The following BEAN1 variants were observed in gnomAD, a reference collection of about 807,000 sequenced individuals.
BEAN1 encodes the protein protein BEAN1.
BEAN1 carries 17 observed loss-of-function variants against 17.7 expected under a neutral mutation model. That is an observed-to-expected ratio of 0.96 (90% confidence interval 0.66 to 1.44). BEAN1 has a LOEUF of 1.44. Ranked by LOEUF, BEAN1 falls within the 40% of genes most tolerant of loss-of-function variation. The pLI is 0.00. For synonymous variants in BEAN1, 142 were observed against 151.8 expected (o/e 0.94, Z 0.47); for missense variants, 359 against 374.1 (o/e 0.96, Z 0.33).
downstream of BEAN1, among the ~76,000 whole-genome samples, chr16:66,487,632 C>T (rs545602491): frequency 6.3e-4 from 96 of 152,282 alleles, no homozygotes; most frequent in African/African-American, 2.2e-3. Context: ...CTCAGCCCGC[C>T]AGAGACCCTG....
chr16:66,492,442 G>GT (rs949800138), intron 4 of BEAN1, among the ~76,000 whole-genome samples: 12 of 151,330 alleles, frequency 7.9e-5, no homozygotes, highest in Non-Finnish European at 1.0e-4. Flanking sequence ...CTCTTTTTGC[G>GT]TTTTTTTGTT....
At chr16:66,448,790 T>C (rs1962555368) in intron 2 of BEAN1, among the ~76,000 whole-genome samples, 1 of 152,068 alleles carries the variant, frequency 6.6e-6, no homozygotes, top group African/African-American at 2.4e-5. Context: ...GCCACTGCAC[T>C]CGGGCAACAG....
At position 66,480,780 on chromosome 16, in the gene BEAN1, C is replaced by T. The variant is rs1463008112; in HGVS notation, c.635C>T (p.Thr212Ile). The T allele has an allele frequency of 1.9e-6, 3 of 1,550,726 alleles. No homozygotes were observed. In the East Asian group the frequency reaches 7.3e-5, roughly 38 times the overall value. Reference sequence around the variant, plus strand: ...GGCCTTCACACGGTCTCCATGGACACCCTTCCCCCCTACGAGGCTGTGTGC... The same window carrying T: ...GGCCTTCACACGGTCTCCATGGACATCCTTCCCCCCTACGAGGCTGTGTGC... ...QGGLHTVSMD[T>I]LPPYEAVCGA... Residue 212 changes from threonine (T) to isoleucine (I), a missense_variant, in exon 5 of 5, where the codon ACC (threonine) becomes ATC (isoleucine). Transcript: ENST00000536005.
intron 2 of BEAN1, among the ~76,000 whole-genome samples, chr16:66,464,590 G>A (rs9939011): frequency 0.045 from 6,776 of 152,160 alleles, 404 homozygotes; most frequent in African/African-American, 0.14. Flanking sequence ...TGATCCACCC[G>A]CCTCAGCCTC....
intron 1 of BEAN1, among the ~76,000 whole-genome samples, chr16:66,435,888 T>A (rs1961994980): frequency 2.0e-5 from 3 of 152,168 alleles, no homozygotes; most frequent in African/African-American, 7.2e-5. Flanking sequence ...CTCTGCCAAT[T>A]CTTGGCAGTG....
In BEAN1 at chr16:66,477,712, T is replaced by G; in HGVS notation, c.440+2T>G. On this transcript the variant is annotated splice_donor_variant, in intron 4 of 4. Coordinates refer to ENST00000536005, the MANE Select transcript of BEAN1 (RefSeq NM_001178020.3). LOFTEE classifies it high-confidence loss of function. ...GCTGTACCCAGATTCTCCACCAGGG[T>G]AAGGAGGCCTCATGGGGAAGGGGGC... 6.5e-7 allele frequency: 1 copy of G among 1,541,862 alleles called. No homozygotes were observed. Among genetic ancestry groups the G allele is most frequent in the Non-Finnish European group, 8.8e-7 (1 of 1,142,206 alleles).
chr16:66,451,161 A>C (rs1962659056), intron 2 of BEAN1: 1 of 153,492 alleles, frequency 6.5e-6, no homozygotes, highest in South Asian at 2.1e-4. Flanking sequence ...GCTAATCATG[A>C]AAAAATGGAT....
At chr16:66,442,006 G>T (rs1159791707) in intron 2 of BEAN1, among the ~76,000 whole-genome samples, 2 of 152,220 alleles carry the variant, frequency 1.3e-5, no homozygotes, top group African/African-American at 4.8e-5. Flanking sequence ...GAAGACCAAG[G>T]CAGAGGAAGG....
intron 2 of BEAN1, among the ~76,000 whole-genome samples, chr16:66,440,878 G>A (rs978413756): frequency 1.3e-5 from 2 of 152,086 alleles, no homozygotes; most frequent in African/African-American, 2.4e-5. Context: ...GGTTTGGGGC[G>A]CTCAAGTCAG....
chr16:66,461,601 CACACACACACACAA>C (rs1157499285), intron 2 of BEAN1, among the ~76,000 whole-genome samples: 1 of 135,832 alleles, frequency 7.4e-6, no homozygotes, highest in African/African-American at 2.9e-5. Context: ...CACACACACA[CACACACACACACAA>C]ACGCACGCAC....
intron 2 of BEAN1, among the ~76,000 whole-genome samples, chr16:66,440,255 A>G (rs12928953): frequency 0.41 from 60,776 of 150,060 alleles, 13,141 homozygotes; most frequent in Non-Finnish European, 0.49. Flanking sequence ...TCAGCCTCCC[A>G]AGTAGCTGGG....
At chr16:66,442,594 G>A (rs535095192) in intron 2 of BEAN1, among the ~76,000 whole-genome samples, 8 of 152,318 alleles carry the variant, frequency 5.3e-5, no homozygotes, top group African/African-American at 1.9e-4. Flanking sequence ...CTCCCTCAGA[G>A]ATGGTATGAT....
At chr16:66,494,704 G>A (rs886564221), downstream of BEAN1, among the ~76,000 whole-genome samples, 11 of 152,134 alleles carry the variant, frequency 7.2e-5, no homozygotes, top group African/African-American at 2.2e-4. Context: ...CTTTTCTTTC[G>A]GCTAATTTGT....
chr16:66,465,975 G>T (rs1001734674), intron 2 of BEAN1, among the ~76,000 whole-genome samples: 3 of 152,142 alleles, frequency 2.0e-5, no homozygotes, highest in Non-Finnish European at 4.4e-5. Context: ...ACCACACCTG[G>T]CTAACTTTTT....
At position 66,434,414 on chromosome 16, in the gene BEAN1, G is replaced by C. The variant is rs1291310479; in HGVS notation, c.-82-3181G>C. 6.6e-6 allele frequency among the ~76,000 whole-genome samples: 1 copy of C among 152,180 alleles called. No homozygotes were observed. Among genetic ancestry groups the C allele is most frequent in the African/African-American group, 2.4e-5 (1 of 41,442 alleles). ...AAAGCTCTACCCTAGCAGAGGGTCT[G>C]ATGCCACCAGGGAGTGGTTTTCTTC... is the stretch of plus-strand genomic sequence containing the variant. On this transcript the variant is annotated intron_variant, in intron 1 of 4. Coordinates refer to ENST00000536005, the MANE Select transcript of BEAN1 (RefSeq NM_001178020.3). The surrounding 1 kb of genome is among the most constrained non-coding windows in gnomAD (Gnocchi z 4.3).
chr16:66,480,818 C>T lies in BEAN1; in HGVS notation c.673C>T (p.Pro225Ser). 6.5e-7 allele frequency: 1 copy of T among 1,539,820 alleles called. No individual in the cohort carries two copies. Among genetic ancestry groups the T allele is most frequent in the Non-Finnish European group, 8.8e-7 (1 of 1,139,924 alleles). The change falls in exon 5 of 5, where the codon CCA becomes TCA. Residue 225 changes from proline (P) to serine (S), a missense_variant. Physicochemically the swap from Pro to Ser is moderately conservative, Grantham distance 74 (BLOSUM62 -1). Transcript: ENST00000536005. ...CGAGGCTGTGTGCGGGGCTGGCCCC[C>T]CATCAGGCCTGCTGCCACTGCCGGG... Reference protein sequence around the residue: ...PYEAVCGAGPPSGLLPLPGPD... With the variant: ...PYEAVCGAGPSSGLLPLPGPD...
downstream of BEAN1, among the ~76,000 whole-genome samples, chr16:66,494,108 T>C (rs577042581): frequency 2.6e-5 from 4 of 152,196 alleles, no homozygotes; most frequent in Non-Finnish European, 4.4e-5. Context: ...GCTGAGGGAG[T>C]GATCTCTCGC....
chr16:66,494,370 G>A (rs1030095417), downstream of BEAN1, among the ~76,000 whole-genome samples: 1 of 152,128 alleles, frequency 6.6e-6, no homozygotes, highest in African/African-American at 2.4e-5. Context: ...ACCTCTATGA[G>A]CCTCGTTTTC....
chr16:66,446,972 CAA>C (rs1962479853), intron 2 of BEAN1, among the ~76,000 whole-genome samples: 2 of 152,244 alleles, frequency 1.3e-5, no homozygotes, highest in South Asian at 4.1e-4. Context: ...GCTTCAAAGA[CAA>C]GAGAGAGGAA....
Sources: allele counts gnomAD v4.1 joint callset (sites outside exome capture counted in the v4.1 genomes callset), GRCh38; gene constraint gnomAD v4.1.1; non-coding constraint Gnocchi (gnomAD v3.1); transcripts MANE v1.5; gene names NCBI Gene and HGNC (gene_info 2026-07-23, HGNC 2026-07-21).